ARHGAP32: variants seen among roughly 807,000 people sequenced by gnomAD.
ARHGAP32 encodes rho GTPase-activating protein 32.
ARHGAP32 carries 51 observed loss-of-function variants against 186.5 expected under a neutral mutation model. The observed-to-expected ratio is 0.27, with a 90% CI of 0.22 to 0.35. ARHGAP32 has a LOEUF of 0.35. Ranked by LOEUF, ARHGAP32 falls within the 10% of genes least tolerant of loss-of-function variation. The pLI is 1.00. For missense variants in ARHGAP32, 2,186 were observed against 2,623.5 expected (o/e 0.83, Z 3.64); for synonymous variants, 950 against 964.3 (o/e 0.99, Z 0.27).
intron 1 of ARHGAP32, among the ~76,000 whole-genome samples, chr11:129,197,946 A>G (rs1450143559): frequency 6.6e-6 from 1 of 152,306 alleles, no homozygotes; most frequent in Admixed American, 6.5e-5. Flanking sequence ...AGAGGAAACA[A>G]TTCTTATGCA....
At chr11:129,254,802 G>C (rs1174191514) in intron 1 of ARHGAP32, among the ~76,000 whole-genome samples, 1 of 152,080 alleles carries the variant, frequency 6.6e-6, no homozygotes, top group Non-Finnish European at 1.5e-5. Context: ...ATTTGAACTA[G>C]ATATTTTACT....
At chr11:129,199,338 A>G (rs1944431183) in intron 1 of ARHGAP32, among the ~76,000 whole-genome samples, 1 of 152,234 alleles carries the variant, frequency 6.6e-6, no homozygotes, top group African/African-American at 2.4e-5. Context: ...CATGTCAGAG[A>G]TCTTTGTGGC....
At chr11:129,225,095 G>C (rs753481189) in intron 1 of ARHGAP32, among the ~76,000 whole-genome samples, 211 of 152,068 alleles carry the variant, frequency 1.4e-3, no homozygotes, top group Non-Finnish European at 2.4e-3. Flanking sequence ...TGAAGGGTGA[G>C]AGCCTGTTTT....
intron 1 of ARHGAP32, among the ~76,000 whole-genome samples, chr11:129,278,829 C>T (rs1226100143): frequency 6.6e-6 from 1 of 151,252 alleles, no homozygotes; most frequent in African/African-American, 2.4e-5. Context: ...GTCGCGGCTG[C>T]CGCCCGCCTT....
chr11:129,132,044 TG>T, intron 2 of ARHGAP32, among the ~76,000 whole-genome samples: 1 of 152,194 alleles, frequency 6.6e-6, no homozygotes, highest in Non-Finnish European at 1.5e-5. Flanking sequence ...ATCACCTAGG[TG>T]TTAAGCCTAG....
chr11:129,101,765 A>C (rs1941907110), intron 5 of ARHGAP32, among the ~76,000 whole-genome samples: 1 of 152,216 alleles, frequency 6.6e-6, no homozygotes, highest in Admixed American at 6.5e-5. Flanking sequence ...GAATGGAACC[A>C]AATTGGAAAA....
chr11:129,210,652 G>A (rs975142777), intron 1 of ARHGAP32, among the ~76,000 whole-genome samples: 2 of 152,094 alleles, frequency 1.3e-5, no homozygotes, highest in Non-Finnish European at 2.9e-5. Flanking sequence ...GACATTAAGC[G>A]ATCTGCACAA....
intron 5 of ARHGAP32, among the ~76,000 whole-genome samples, chr11:129,104,302 G>T (rs1449383385): frequency 6.6e-6 from 1 of 151,978 alleles, no homozygotes; most frequent in Non-Finnish European, 1.5e-5. Context: ...TATAAGAATA[G>T]TATTTAATTA....
intron 2 of ARHGAP32, among the ~76,000 whole-genome samples, chr11:129,145,703 T>C (rs965613883): frequency 1.3e-5 from 2 of 152,272 alleles, no homozygotes; most frequent in Admixed American, 1.3e-4. Context: ...CAAACGGTTA[T>C]AGGCCTTACG....
intron 1 of ARHGAP32, among the ~76,000 whole-genome samples, chr11:129,165,175 A>G (rs897574390): frequency 1.3e-5 from 2 of 152,178 alleles, no homozygotes; most frequent in African/African-American, 4.8e-5. Flanking sequence ...CTAAAGAGAA[A>G]GAGCCCAGAA....
chr11:129,177,438 G>C (rs1266632232), intron 1 of ARHGAP32, among the ~76,000 whole-genome samples: 1 of 152,118 alleles, frequency 6.6e-6, no homozygotes, highest in Non-Finnish European at 1.5e-5. Context: ...CTCATTTTAC[G>C]AGGCCAGCAT....
intron 1 of ARHGAP32, among the ~76,000 whole-genome samples, chr11:129,185,721 G>A (rs1944146602): frequency 6.6e-6 from 1 of 152,116 alleles, no homozygotes; most frequent in Non-Finnish European, 1.5e-5. Context: ...GTATGAGACT[G>A]AGAGAAGGAG....
intron 3 of ARHGAP32, 95 bp downstream of exon 3, chr11:129,124,708 T>C: frequency 1.1e-6 from 1 of 943,500 alleles, no homozygotes; most frequent in Non-Finnish European, 1.6e-6. Flanking sequence ...ACAGCATATT[T>C]TTGTAAAAAG....
chr11:129,065,078 T>C, intron 7 of ARHGAP32, 145 bp from the exon 8 acceptor site: 2 of 617,030 alleles, frequency 3.2e-6, no homozygotes, highest in Non-Finnish European at 2.9e-6. Context: ...AACTTACCAG[T>C]AGCACTATGG....
At position 129,192,091 on chromosome 11, in the gene ARHGAP32, C is replaced by T. The variant is rs778711146; in HGVS notation, c.108G>A (p.Glu36=). Residue 36 remains glutamate, a synonymous_variant, in exon 1 of 23, where the codon GAG becomes GAA. Transcript: ENST00000682385. ...VTDCEEEERE[E]KFRKMKSSVH... ...GTGAATTCCATAATCACCTGAACTT[C>T]TCTTCCCTTTCTTCCTCTTCACAGT... 4.7e-5 allele frequency: 76 copies of T among 1,612,426 alleles called. No individual in the cohort carries two copies. Among genetic ancestry groups the T allele is most frequent in the Non-Finnish European group, 6.2e-5 (73 of 1,178,730 alleles).
chr11:129,229,318 T>C (rs754822952), intron 1 of ARHGAP32, among the ~76,000 whole-genome samples: 2 of 152,160 alleles, frequency 1.3e-5, no homozygotes, highest in Non-Finnish European at 2.9e-5. Flanking sequence ...TTATTTATAA[T>C]TAAGGCAGAG....
intron 1 of ARHGAP32, among the ~76,000 whole-genome samples, chr11:129,170,856 G>A (rs1232234719): frequency 3.9e-5 from 6 of 152,028 alleles, no homozygotes; most frequent in African/African-American, 1.2e-4. Flanking sequence ...TTTAATAATC[G>A]CCATCCTGAC....
intron 1 of ARHGAP32, among the ~76,000 whole-genome samples, chr11:129,165,833 C>G (rs978897448): frequency 6.6e-6 from 1 of 151,838 alleles, no homozygotes; most frequent in East Asian, 1.9e-4. Flanking sequence ...GGGCAACCAA[C>G]TAGTTTAAAC....
At chr11:129,260,496 A>C (rs113405706) in intron 1 of ARHGAP32, among the ~76,000 whole-genome samples, 7,110 of 152,270 alleles carry the variant, frequency 0.047, 242 homozygotes, top group Middle Eastern at 0.11. Context: ...TATTTAAATA[A>C]GAAATCTCAG....
Sources: allele counts gnomAD v4.1 joint callset (sites outside exome capture counted in the v4.1 genomes callset), GRCh38; gene constraint gnomAD v4.1.1; transcripts MANE v1.5; gene names NCBI Gene and HGNC (gene_info 2026-07-23, HGNC 2026-07-21).